The following C8B variants were observed in gnomAD, a reference collection of about 807,000 sequenced individuals.
C8B encodes the protein complement component C8 beta chain.
A neutral mutation model predicts 64.6 loss-of-function variants in C8B; 67 were observed. The ratio of observed to expected loss-of-function variants is 1.04; its 90% CI spans 0.85 to 1.27. The LOEUF (loss-of-function observed/expected upper bound fraction) is 1.27, where lower values mean the gene tolerates loss of function less well. C8B is among the 50% of genes most tolerant of loss of function. The probability of loss-of-function intolerance (pLI) is 0.00; values close to 1 mark genes in which losing one functional copy is unlikely to be tolerated. For missense variants in C8B, 790 were observed against 725.2 expected, an observed-to-expected ratio of 1.09 and a Z score of -1.03; for synonymous variants, 284 against 257.7, an observed-to-expected ratio of 1.10 and a Z score of -0.98.
chr1:56,942,256 C>T (rs557847866), intron 8 of C8B, among the ~76,000 whole-genome samples: 5 of 42,216 alleles, frequency 1.2e-4, no homozygotes, highest in South Asian at 3.2e-3. Context: ...TTTATAAAGG[C>T]TGTGCTAAGT....
chr1:56,960,942 G>T (rs1352609096), intron 1 of C8B, among the ~76,000 whole-genome samples: 2 of 152,150 alleles, frequency 1.3e-5, no homozygotes, highest in Admixed American at 6.5e-5. Flanking sequence ...TGGATCTCAG[G>T]ATGAGAGATT....
chr1:56,937,820 A>G (rs1487479557), intron 9 of C8B, among the ~76,000 whole-genome samples: 4 of 152,124 alleles, frequency 2.6e-5, no homozygotes, highest in Non-Finnish European at 4.4e-5. Flanking sequence ...TGACTTCTTT[A>G]CTATCTAAAA....
chr1:56,945,698 G>A (rs370630920), intron 7 of C8B, 123 bp downstream of exon 7: 9 of 1,226,680 alleles, frequency 7.3e-6, no homozygotes, highest in African/African-American at 5.9e-5. Context: ...AAAAAGAAGA[G>A]GAAGAGGAAT....
intron 8 of C8B, among the ~76,000 whole-genome samples, chr1:56,941,867 A>G (rs910853047): frequency 6.6e-5 from 10 of 152,206 alleles, no homozygotes; most frequent in African/African-American, 1.7e-4. Flanking sequence ...AACTGAGTTC[A>G]TCCTCTCCTC....
chr1:56,939,691 A>G (rs1199529322), intron 9 of C8B, among the ~76,000 whole-genome samples: 1 of 152,142 alleles, frequency 6.6e-6, no homozygotes, highest in African/African-American at 2.4e-5. Context: ...AAACTCCTCT[A>G]GTTTGGGTGA....
intron 8 of C8B, among the ~76,000 whole-genome samples, chr1:56,942,336 C>T (rs1286243129): frequency 6.6e-6 from 1 of 152,182 alleles, no homozygotes; most frequent in East Asian, 1.9e-4. Context: ...TACGGAGTTG[C>T]CCAGAAAGCC....
Position 56,952,281 on chromosome 1 carries a change from GC to G in C8B, c.534-102del, listed in dbSNP as rs1021975911. 1.5e-5 allele frequency: 22 copies of G among 1,504,882 alleles called. No individual in the cohort carries two copies. The African/African-American group carries it at 2.6e-4, about 18-fold the overall frequency. The allele number at this position is 1,504,882 out of a possible 1,614,324, so 93.2% of individuals were successfully genotyped here. On this transcript the variant is annotated intron_variant, in intron 4 of 11. Coordinates refer to ENST00000371237, the MANE Select transcript of C8B (RefSeq NM_000066.4). ...ACGAAAACAAAAACTCCTTGGCACA[GC>G]CTTCAAGGCCCTTGATACCTGGTCC...
At position 56,956,818 on chromosome 1, in the gene C8B, T is replaced by C; in HGVS notation, c.342A>G (p.Arg114=). ...DKEVEDCVTN[R]PCGSQVRCEG... is the part of the protein sequence containing the mutation. ...CACATCGCACTTGACTTCCGCATGGTCTGTTGGTAACACAGTCTTCGACTT... is the reference window on the plus strand; with the variant it reads ...CACATCGCACTTGACTTCCGCATGGCCTGTTGGTAACACAGTCTTCGACTT... The change falls in exon 3 of 12, where the codon AGA becomes AGG. Residue 114 remains arginine (R), a synonymous_variant. Coordinates refer to ENST00000371237, the MANE Select transcript of C8B (RefSeq NM_000066.4). 6.2e-7 allele frequency: 1 copy of C among 1,614,136 alleles called. No homozygotes were observed. The highest frequency in any genetic ancestry group is 8.5e-7 in the Non-Finnish European group (1 of 1,180,014).
chr1:56,952,762 A>C (rs1645041423), intron 4 of C8B, among the ~76,000 whole-genome samples: 1 of 152,186 alleles, frequency 6.6e-6, no homozygotes, highest in Non-Finnish European at 1.5e-5. Context: ...TTGGGTGGCC[A>C]CTTACTACCT....
intron 1 of C8B, among the ~76,000 whole-genome samples, chr1:56,965,073 G>A (rs1195031946): frequency 2.0e-5 from 3 of 152,228 alleles, no homozygotes; most frequent in Admixed American, 6.5e-5. Context: ...CTCACATAAA[G>A]TGAAAGGTTT....
chr1:56,929,748 C>G (rs653804), intron 11 of C8B, among the ~76,000 whole-genome samples, 190 bp from the exon 12 acceptor site: 48,395 of 151,960 alleles, frequency 0.32, 8,245 homozygotes, highest in East Asian at 0.52. Flanking sequence ...TGCTTTCCCC[C>G]CTGTGCCCAG....
Position 56,943,770 on chromosome 1 carries a change from C to T in C8B, c.1160G>A (p.Gly387Asp). The change falls in exon 8 of 12, where the codon GGT becomes GAT. Residue 387 changes from glycine to aspartate, a missense_variant. Coordinates refer to ENST00000371237, the MANE Select transcript of C8B (RefSeq NM_000066.4). ...ACTGACGTAGACCTCTTCAATGGCA[C>T]CACCAATTTTAAAATCATTTTTGGC... is the stretch of plus-strand genomic sequence containing the variant. ...ACAKNDFKIG[G>D]AIEEVYVSLG... 1.9e-6 allele frequency: 3 copies of T among 1,614,088 alleles called. No individual in the cohort carries two copies. The highest frequency in any genetic ancestry group is 2.5e-6 in the Non-Finnish European group (3 of 1,179,990).
intron 6 of C8B, among the ~76,000 whole-genome samples, chr1:56,948,095 G>A (rs582317): frequency 0.68 from 103,167 of 152,074 alleles, 35,330 homozygotes; most frequent in South Asian, 0.76. Context: ...GCCTGGCCCA[G>A]TGCTAACATC....
At chr1:56,934,926 G>A (rs1644754911) in intron 9 of C8B, among the ~76,000 whole-genome samples, 1 of 152,170 alleles carries the variant, frequency 6.6e-6, no homozygotes. Context: ...TACCAGCACT[G>A]GGGTTTGCTG....
chr1:56,932,813 T>C (rs1451083271), intron 10 of C8B, among the ~76,000 whole-genome samples: 3 of 152,174 alleles, frequency 2.0e-5, no homozygotes, highest in African/African-American at 7.2e-5. Flanking sequence ...AGACTTGCTG[T>C]AACCAGTTGC....
intron 9 of C8B, among the ~76,000 whole-genome samples, chr1:56,937,568 C>A (rs1432563795): frequency 4.6e-5 from 7 of 152,100 alleles, no homozygotes; most frequent in Non-Finnish European, 1.0e-4. Flanking sequence ...ACCTAGCTAT[C>A]CTGACTAGCA....
rs1378338179 is a variant in C8B, at chr1:56,949,683, CTG to C, written c.734_735del (p.Thr245ArgfsTer14). On this transcript the variant is annotated frameshift_variant, in exon 6 of 12. Coordinates refer to ENST00000371237, the MANE Select transcript of C8B (RefSeq NM_000066.4). LOFTEE classifies it high-confidence loss of function. ...ESYSDFERNV[T>X]EKMASKSGFS... ...AAACCAGACTTGCTTGCCATTTTCT[CTG>C]TGACATTGCGTTCAAAATCTGAGTA... 1.2e-6 allele frequency: 2 copies of C among 1,614,030 alleles called. No homozygotes were observed. Among genetic ancestry groups the C allele is most frequent in the East Asian group, 2.2e-5 (1 of 44,854 alleles).
At chr1:56,947,428 G>A (rs987091428) in intron 6 of C8B, among the ~76,000 whole-genome samples, 1 of 152,262 alleles carries the variant, frequency 6.6e-6, no homozygotes, top group Admixed American at 6.5e-5. Context: ...TTTTGCACAT[G>A]CTGTTCCTTC....
At chr1:56,960,420 A>C (rs1645162267) in intron 1 of C8B, among the ~76,000 whole-genome samples, 1 of 152,224 alleles carries the variant, frequency 6.6e-6, no homozygotes, top group South Asian at 2.1e-4. Flanking sequence ...TAATCCAACA[A>C]ATATTTATTG....
Sources: gnomAD v4.1 joint callset for allele counts (sites outside exome capture counted in the v4.1 genomes callset) on GRCh38, gnomAD v4.1.1 for gene constraint, MANE v1.5 for transcripts, NCBI Gene and HGNC (gene_info 2026-07-23, HGNC 2026-07-21) for gene names.